TMEM248: variants seen among roughly 807,000 people sequenced by gnomAD.
The protein encoded by TMEM248 is transmembrane protein 248, also known as UPF0458 protein C7orf42.
A neutral mutation model predicts 30.3 loss-of-function variants in TMEM248; 9 were observed. The ratio of observed to expected loss-of-function variants is 0.30; its 90% CI spans 0.18 to 0.52. The LOEUF (loss-of-function observed/expected upper bound fraction) is 0.52, where lower values mean the gene tolerates loss of function less well. TMEM248 is among the 20% of genes least tolerant of loss of function. TMEM248 has a pLI of 0.97. For synonymous variants in TMEM248, 184 were observed against 154.4 expected (o/e 1.19, Z -1.42); for missense variants, 338 against 403.3 (o/e 0.84, Z 1.39).
At chr7:66,953,167 T>G (rs1792313388) in intron 5 of TMEM248, 59 bp from the exon 6 acceptor site, 2 of 1,584,450 alleles carry the variant, frequency 1.3e-6, no homozygotes, top group South Asian at 2.3e-5. Flanking sequence ...AACCCAGCAT[T>G]AAAACCTTTC....
At chr7:66,951,213 G>A (rs1447901359) in intron 5 of TMEM248, 78 bp downstream of exon 5, 2 of 1,376,476 alleles carry the variant, frequency 1.5e-6, no homozygotes. Context: ...AACCGTTGGT[G>A]TAGGCCCTGC....
chr7:66,958,178 C>T lies in TMEM248; in HGVS notation c.*2656C>T, dbSNP rs926632560. ...AGCACCAGCTCACCCTCAGGCATCT[C>T]GGACTGGAGGGCCAGCAGAAGGTCA... On this transcript the variant is annotated 3_prime_UTR_variant, in exon 7 of 7. Transcript: ENST00000341567. 2.0e-5 allele frequency: 3 copies of T among 152,734 alleles called. No individual in the cohort carries two copies. The highest frequency in any genetic ancestry group is 7.2e-5 in the African/African-American group (3 of 41,470). 9.5% of individuals were successfully genotyped at this position (152,734 alleles called of 1,614,324 possible).
chr7:66,921,546 A>G (rs1263378583), intron 1 of TMEM248, 85 bp downstream of exon 1: 1 of 151,910 alleles, frequency 6.6e-6, no homozygotes, highest in Non-Finnish European at 1.5e-5. Flanking sequence ...GCTGGTCGGG[A>G]GCGGCTCCTC....
At chr7:66,928,332 G>T (rs1363634017) in intron 1 of TMEM248, among the ~76,000 whole-genome samples, 5 of 144,426 alleles carry the variant, frequency 3.5e-5, no homozygotes, top group African/African-American at 7.6e-5. Context: ...CATGTGAGTT[G>T]TTTTTTTTTT....
chr7:66,945,363 A>G (rs1792071156), intron 3 of TMEM248, 102 bp downstream of exon 3: 5 of 1,298,858 alleles, frequency 3.8e-6, no homozygotes, highest in South Asian at 1.4e-5. Context: ...ACTAGATTGT[A>G]GTCTTGCGCG....
rs369171933 is a variant in TMEM248 at position 66,948,557 on chromosome 7, C to T, written c.459C>T (p.His153=). 13 of 1,613,468 alleles carry T rather than the reference C, an allele frequency of 8.1e-6. No homozygotes were observed. Among genetic ancestry groups the T allele is most frequent in the Middle Eastern group, 1.6e-4 (1 of 6,082 alleles). The part of the protein sequence containing the change: ...HQIGLSGREA[H]EEINITFTLP... ...TCTCTTTCATAGGCAGGGAAGCCCA[C>T]GAGGAGATAAACATCACCTTCACCC... Residue 153 remains histidine (H), a synonymous_variant, in exon 4 of 7, where the codon CAC becomes CAT. Transcript: ENST00000341567.
chr7:66,929,363 T>TTAAC (rs1791607841), intron 1 of TMEM248, among the ~76,000 whole-genome samples: 1 of 151,302 alleles, frequency 6.6e-6, no homozygotes, highest in Non-Finnish European at 1.5e-5. Flanking sequence ...AGCACCTTCC[T>TTAAC]GGTGTCAGGC....
At chr7:66,938,319 A>G (rs1159304521) in intron 1 of TMEM248, among the ~76,000 whole-genome samples, 1 of 151,046 alleles carries the variant, frequency 6.6e-6, no homozygotes, top group Non-Finnish European at 1.5e-5. Flanking sequence ...TTTATTTTTT[A>G]TGTATCTGTT....
At chr7:66,931,779 G>C (rs1459405645) in intron 1 of TMEM248, among the ~76,000 whole-genome samples, 3 of 147,222 alleles carry the variant, frequency 2.0e-5, no homozygotes, top group African/African-American at 7.5e-5. Flanking sequence ...TGCCCAACCA[G>C]GAGGCCTTCC....
At chr7:66,942,867 T>TGGGTGG (rs1792000327) in intron 2 of TMEM248, among the ~76,000 whole-genome samples, 1 of 47,720 alleles carries the variant, frequency 2.1e-5, no homozygotes, top group Non-Finnish European at 4.0e-5. Context: ...GGTTTGTTGG[T>TGGGTGG]GGGTGGAGGT....
At chr7:66,933,006 G>A (rs1449538625) in intron 1 of TMEM248, among the ~76,000 whole-genome samples, 2 of 151,460 alleles carry the variant, frequency 1.3e-5, no homozygotes, top group African/African-American at 2.4e-5. Context: ...CTACAACCAC[G>A]CGCCACCACA....
chr7:66,931,537 TCATAGCTCAC>T (rs954209251), intron 1 of TMEM248, among the ~76,000 whole-genome samples: 2 of 151,886 alleles, frequency 1.3e-5, no homozygotes, highest in Non-Finnish European at 2.9e-5. Context: ...AGTGGCATGA[TCATAGCTCAC>T]TATAGCTTTG....
chr7:66,941,542 G>A (rs554866482), intron 1 of TMEM248, among the ~76,000 whole-genome samples: 4 of 148,348 alleles, frequency 2.7e-5, no homozygotes, highest in Non-Finnish European at 5.9e-5. Flanking sequence ...GTGACAGAAC[G>A]AGAGACCCTG....
At chr7:66,934,712 A>C (rs1228468848) in intron 1 of TMEM248, among the ~76,000 whole-genome samples, 1 of 152,104 alleles carries the variant, frequency 6.6e-6, no homozygotes, top group Non-Finnish European at 1.5e-5. Context: ...ATGTTTCATA[A>C]TTGTAGTTCC....
chr7:66,924,834 C>T (rs1454355725), intron 1 of TMEM248, among the ~76,000 whole-genome samples: 7 of 151,004 alleles, frequency 4.6e-5, no homozygotes, highest in Non-Finnish European at 1.0e-4. Context: ...CTCAGCCTCC[C>T]GTGTAGCTGG....
intron 5 of TMEM248, among the ~76,000 whole-genome samples, chr7:66,952,471 C>A (rs892074544): frequency 2.8e-4 from 43 of 152,210 alleles, no homozygotes; most frequent in Non-Finnish European, 4.4e-5. Context: ...AGTGCCTGGC[C>A]AAGGGCAGTC....
At chr7:66,941,627 A>G (rs574696412) in intron 1 of TMEM248, among the ~76,000 whole-genome samples, 76 of 151,978 alleles carry the variant, frequency 5.0e-4, no homozygotes, top group African/African-American at 1.7e-3. Flanking sequence ...CTGAAAGAGA[A>G]TATGTATTCA....
chr7:66,921,670 C>G (rs1468755969), intron 1 of TMEM248, among the ~76,000 whole-genome samples: 1 of 152,326 alleles, frequency 6.6e-6, no homozygotes, highest in Middle Eastern at 3.4e-3. Context: ...TTTGCCCACT[C>G]GCGTCCCCCG....
Position 66,955,787 on chromosome 7 carries a change from C to T in TMEM248, c.*265C>T, listed in dbSNP as rs781753809. 1.4e-4 allele frequency: 62 copies of T among 450,904 alleles called. No individual in the cohort carries two copies. Among genetic ancestry groups the T allele is most frequent in the Admixed American group, 5.3e-4 (13 of 24,470 alleles). The allele number at this position is 450,904 out of a possible 1,614,324, so 27.9% of individuals were successfully genotyped here. On this transcript the variant is annotated 3_prime_UTR_variant, in exon 7 of 7. Coordinates refer to ENST00000341567, the MANE Select transcript of TMEM248 (RefSeq NM_017994.5). ...GGACTTGAGGACCTACCTGATGGGA[C>T]GTTTCCACGTGTCTCTAGAGAAGGA...
Sources: allele counts gnomAD v4.1 joint callset (sites outside exome capture counted in the v4.1 genomes callset), GRCh38; gene constraint gnomAD v4.1.1; transcripts MANE v1.5; gene names NCBI Gene and HGNC (gene_info 2026-07-23, HGNC 2026-07-21).